BAHCC1: variants seen among roughly 807,000 people sequenced by gnomAD.
The protein encoded by BAHCC1 is BAH and coiled-coil domain-containing protein 1.
In BAHCC1, 43 loss-of-function variants were observed where a neutral mutation model predicts 88.2. That is an observed-to-expected ratio of 0.49 (90% CI 0.38 to 0.63). The LOEUF (loss-of-function observed/expected upper bound fraction) is 0.63, where lower values mean the gene tolerates loss of function less well. BAHCC1 is among the 20% of genes least tolerant of loss of function. The pLI is 0.00. For missense variants in BAHCC1, 3,023 were observed against 1,654.8 expected, an observed-to-expected ratio of 1.83 and a Z score of -14.34; for synonymous variants, 1,510 against 745.5, an observed-to-expected ratio of 2.03 and a Z score of -16.71.
chr17:81,453,620 C>G (rs1227571285), intron 14 of BAHCC1, among the ~76,000 whole-genome samples: 1 of 152,084 alleles, frequency 6.6e-6, no homozygotes, highest in Non-Finnish European at 1.5e-5. Context: ...CCTGCCCTGC[C>G]CAGGTGTCTC....
rs1598521193 is a variant in BAHCC1 at position 81,463,869 on chromosome 17, C to T, written c.*52C>T. ...TGCGCCAGGGACCCTGTGTGCGGAG[C>T]CTGGCGTCGGCCAAGCCACCGGGCA... On this transcript the variant is annotated 3_prime_UTR_variant, in exon 28 of 28. Coordinates refer to ENST00000675386, the MANE Select transcript of BAHCC1 (RefSeq NM_001377448.1). 7.2e-6 allele frequency: 5 copies of T among 693,616 alleles called. No individual in the cohort carries two copies. The East Asian group carries it at 1.3e-4, about 19-fold the overall frequency. The allele number at this position is 693,616 out of a possible 1,614,324, so 43.0% of individuals were successfully genotyped here. A position where few individuals can be genotyped will look rare whatever the true frequency, so the allele number is the denominator to read the frequency against.
intron 2 of BAHCC1, chr17:81,415,564 G>T (rs2064009960): frequency 5.8e-6 from 3 of 515,740 alleles, no homozygotes; most frequent in African/African-American, 5.8e-5. Flanking sequence ...GCAGTGACCT[G>T]TGCTGGCCCC....
At chr17:81,458,532 C>CCTCCCCCACA in intron 18 of BAHCC1, 66 bp downstream of exon 18, 8 of 646,906 alleles carry the variant, frequency 1.2e-5, no homozygotes, top group Non-Finnish European at 1.7e-5. Flanking sequence ...CCTTCCCCGC[C>CCTCCCCCACA]CTCCCCCGCA....
In BAHCC1 at chr17:81,399,371, G is replaced by C. The variant is rs1296026929; in HGVS notation, c.-206-163G>C. ...GTGCTGGGCTGCGCGCGCGTGCGGC[G>C]GGGAGACACCGAGCGCCCCGGCCCC... On this transcript the variant is annotated intron_variant, in intron 1 of 27. Transcript: ENST00000675386. This position sits in a 1 kb window ranked among gnomAD's most constrained non-coding sequence, Gnocchi z 4.5. 6.8e-6 allele frequency: 1 copy of C among 147,368 alleles called. No homozygotes were observed. The highest frequency in any genetic ancestry group is 1.5e-5 in the Non-Finnish European group (1 of 66,404). 9.1% of individuals were successfully genotyped at this position (147,368 alleles called of 1,614,324 possible).
rs1319437044 is a variant in BAHCC1 at position 81,459,344 on chromosome 17, G to GCCCGC, written c.5796+21_5796+25dup. ...GCAGGAAGCGGTGAGGACCGGGCCG[G>GCCCGC]CCCGCCCCGGGGAGGGGCCTGGCTG... On this transcript the variant is annotated intron_variant, in intron 22 of 27. Transcript: ENST00000675386. 1 of 775,048 alleles carries GCCCGC rather than the reference G, an allele frequency of 1.3e-6. No homozygotes were observed. The highest frequency in any genetic ancestry group is 1.7e-5 in the African/African-American group (1 of 59,076). 48.0% of individuals were successfully genotyped at this position (775,048 alleles called of 1,614,324 possible).
chr17:81,398,942 A>T (rs2063774485), intron 1 of BAHCC1, among the ~76,000 whole-genome samples: 1 of 151,902 alleles, frequency 6.6e-6, no homozygotes, highest in Admixed American at 6.6e-5. Context: ...TTAAAAAAAA[A>T]AAAAACTCTT....
At chr17:81,450,500 C>A (rs1216148848) in intron 11 of BAHCC1, among the ~76,000 whole-genome samples, 1 of 152,188 alleles carries the variant, frequency 6.6e-6, no homozygotes, top group Non-Finnish European at 1.5e-5. Flanking sequence ...GGGTAGCTCC[C>A]CTGTCCCTGC....
intron 26 of BAHCC1, 53 bp downstream of exon 26, chr17:81,462,099 G>A (rs1555659683): frequency 4.4e-6 from 3 of 684,422 alleles, no homozygotes; most frequent in East Asian, 2.5e-5. Flanking sequence ...AAACCGGGGC[G>A]GGCTCATGCG....
intron 3 of BAHCC1, 62 bp downstream of exon 3, chr17:81,427,041 C>T (rs1376943201): frequency 4.8e-5 from 19 of 398,342 alleles, no homozygotes; most frequent in Non-Finnish European, 2.7e-5. Context: ...CCCTGGTGCC[C>T]GGGCCAGGGG....
At chr17:81,456,178 G>A (rs1863956040) in intron 15 of BAHCC1, 119 bp from the exon 16 acceptor site, 1 of 606,370 alleles carries the variant, frequency 1.6e-6, no homozygotes, top group African/African-American at 1.9e-5. Flanking sequence ...GTGGATCGAG[G>A]GCAGGGGCCT....
At position 81,456,171 on chromosome 17, in the gene BAHCC1, G is replaced by A. The variant is rs2064745253; in HGVS notation, c.4570-126G>A. 15 of 597,578 alleles carry A rather than the reference G, an allele frequency of 2.5e-5. No individual in the cohort carries two copies. The South Asian group carries it at 3.1e-4, about 12-fold the overall frequency. The allele number at this position is 597,578 out of a possible 1,614,324, so 37.0% of individuals were successfully genotyped here. ...GCCAGACATCCCTTCAGCCCCTGTG[G>A]ATCGAGGGCAGGGGCCTCGAGGTAC... On this transcript the variant is annotated intron_variant, in intron 15 of 27. Transcript: ENST00000675386.
chr17:81,460,453 G>A (rs535435140), intron 24 of BAHCC1, 57 bp downstream of exon 24: 26 of 727,208 alleles, frequency 3.6e-5, no homozygotes, highest in Middle Eastern at 2.3e-4. Flanking sequence ...GTGTCCAGAC[G>A]GGCTCCCAAG....
chr17:81,412,398 C>G (rs1220596655), intron 2 of BAHCC1, among the ~76,000 whole-genome samples: 1 of 152,202 alleles, frequency 6.6e-6, no homozygotes, highest in Non-Finnish European at 1.5e-5. Context: ...CAGATAAAAT[C>G]AAAGAAAATT....
At position 81,458,432 on chromosome 17, in the gene BAHCC1, C is replaced by T. The variant is rs797024071; in HGVS notation, c.5309C>T (p.Thr1770Met). 6.8e-6 allele frequency: 5 copies of T among 737,998 alleles called. No individual in the cohort carries two copies. Among genetic ancestry groups the T allele is most frequent in the South Asian group, 2.9e-5 (2 of 69,332 alleles). 45.7% of individuals were successfully genotyped at this position (737,998 alleles called of 1,614,324 possible). A position where few individuals can be genotyped will look rare whatever the true frequency, so the allele number is the denominator to read the frequency against. ...GCCAGTGAGCGCCTCAAGAGGGCCA[C>T]GCGCAAGGGCACAGTGCTGCAGCCA... ...QLASERLKRA[T>M]RKGTVLQPVL... is the part of the protein sequence containing the mutation. The change falls in exon 18 of 28, where the codon ACG (threonine) becomes ATG (methionine). Residue 1770 changes from threonine (T) to methionine (M), a missense_variant. Transcript: ENST00000675386.
chr17:81,422,703 G>C (rs1465231181), intron 2 of BAHCC1: 1 of 387,018 alleles, frequency 2.6e-6, no homozygotes, highest in Admixed American at 3.0e-5. Flanking sequence ...CTGATGTGGT[G>C]TGGGAGAGCT....
At chr17:81,425,615 A>G (rs1249304754) in intron 2 of BAHCC1, among the ~76,000 whole-genome samples, 5 of 71,304 alleles carry the variant, frequency 7.0e-5, no homozygotes, top group African/African-American at 1.1e-4. Context: ...TGGGGGTGAT[A>G]GTGGTGGGTG....
Position 81,445,075 on chromosome 17 carries a change from C to A in BAHCC1, c.2732C>A (p.Ser911Tyr). 1.3e-6 allele frequency: 1 copy of A among 770,308 alleles called. No homozygotes were observed. 47.7% of individuals were successfully genotyped at this position (770,308 alleles called of 1,614,324 possible). Reference sequence around the variant, plus strand: ...ATGTACGGGGGCCGGGGCCCCGCCTCTCACATGCAGCACCCGGGCCAGCTC... The same window carrying A: ...ATGTACGGGGGCCGGGGCCCCGCCTATCACATGCAGCACCCGGGCCAGCTC... ...PPMYGGRGPA[S>Y]HMQHPGQLPV... The change falls in exon 9 of 28, where the codon TCT (serine) becomes TAT (tyrosine). Residue 911 changes from serine (S) to tyrosine (Y), a missense_variant. By Grantham distance (144) the Ser-to-Tyr change is moderately radical (BLOSUM62 -2). Coordinates refer to ENST00000675386, the MANE Select transcript of BAHCC1 (RefSeq NM_001377448.1).
chr17:81,437,587 T>G (rs782686882), intron 3 of BAHCC1, among the ~76,000 whole-genome samples: 1 of 152,188 alleles, frequency 6.6e-6, no homozygotes, highest in African/African-American at 2.4e-5. Flanking sequence ...GCCAGAGCTG[T>G]CCCAAGGCCC....
chr17:81,401,461 TG>T (rs2063815979), intron 2 of BAHCC1: 1 of 152,684 alleles, frequency 6.5e-6, no homozygotes, highest in Admixed American at 6.5e-5. Context: ...GAGCGATGGG[TG>T]ATTTAAAAAT....
Sources: gnomAD v4.1 joint callset for allele counts (sites outside exome capture counted in the v4.1 genomes callset) on GRCh38, gnomAD v4.1.1 for gene constraint, Gnocchi (gnomAD v3.1) non-coding constraint, MANE v1.5 for transcripts, NCBI Gene and HGNC (gene_info 2026-07-23, HGNC 2026-07-21) for gene names.